The following FER1L6 variants were observed in gnomAD, a reference collection of about 807,000 sequenced individuals.
FER1L6 encodes the protein fer-1-like protein 6.
FER1L6 carries 177 observed loss-of-function variants against 219.2 expected under a neutral mutation model. That is an observed-to-expected ratio of 0.81 (90% CI 0.71 to 0.91). The LOEUF (loss-of-function observed/expected upper bound fraction) is 0.91, where lower values mean the gene tolerates loss of function less well. Ranked by LOEUF, FER1L6 falls within the 40% of genes least tolerant of loss-of-function variation. The pLI is 0.00. For missense variants in FER1L6, 2,153 were observed against 2,259.9 expected (o/e 0.95, Z 0.96); for synonymous variants, 768 against 824.3 (o/e 0.93, Z 1.17).
chr8:123,909,299 A>G (rs1004164371), intron 1 of FER1L6, among the ~76,000 whole-genome samples: 1 of 152,104 alleles, frequency 6.6e-6, no homozygotes, highest in Non-Finnish European at 1.5e-5. Context: ...ACAAAAAAAA[A>G]GTGGATAGAG....
intron 24 of FER1L6, 22 bp downstream of exon 24, chr8:124,060,731 G>A (rs377500531): frequency 1.1e-5 from 18 of 1,605,612 alleles, no homozygotes; most frequent in Non-Finnish European, 1.2e-5. Flanking sequence ...TCACTCTCCC[G>A]ACCTGGCTCA....
chr8:123,962,395 C>A (rs941069790), intron 2 of FER1L6, among the ~76,000 whole-genome samples: 1 of 151,842 alleles, frequency 6.6e-6, no homozygotes, highest in Admixed American at 6.6e-5. Context: ...GCAGTTAGAA[C>A]ACAGTTTTAT....
chr8:123,963,053 T>C (rs185858505), intron 2 of FER1L6, among the ~76,000 whole-genome samples: 182 of 152,364 alleles, frequency 1.2e-3, no homozygotes, highest in African/African-American at 4.2e-3. Flanking sequence ...CCCATCCACA[T>C]AAATCTGTTC....
At chr8:123,965,882 A>C in intron 3 of FER1L6, 125 bp from the exon 4 acceptor site, 38 of 868,362 alleles carry the variant, frequency 4.4e-5, no homozygotes, top group Non-Finnish European at 6.2e-5. Context: ...TATCTCCCCC[A>C]GAGATGTAGA....
intron 18 of FER1L6, among the ~76,000 whole-genome samples, chr8:124,029,216 T>G (rs182386093): frequency 1.7e-3 from 263 of 152,388 alleles, no homozygotes; most frequent in African/African-American, 5.9e-3. Flanking sequence ...TCTTTGCTAT[T>G]GTGAACAGTG....
rs915348836 is a variant in FER1L6, at chr8:124,042,783, G to A, written c.2589+2777G>A. On this transcript the variant is annotated intron_variant, in intron 20 of 40. Transcript: ENST00000522917. ...CAGGGAGAAAAAGCCTCCGAAGGCT[G>A]TTCCTGAAAAACCAGTGCTTTATAA... 3.3e-5 allele frequency among the ~76,000 whole-genome samples: 5 copies of A among 152,178 alleles called. No homozygotes were observed. In the East Asian group the frequency reaches 7.7e-4, roughly 23 times the overall value.
Position 124,079,787 on chromosome 8 carries a change from G to A in FER1L6, c.4221-2501G>A, listed in dbSNP as rs141715831. Among the ~76,000 whole-genome samples, 13 of 152,246 alleles carry A rather than the reference G, an allele frequency of 8.5e-5. No individual in the cohort carries two copies. The East Asian group carries it at 1.4e-3, about 16-fold the overall frequency. ...CAGGGGCCTTTGAGTCTGTGTAATC[G>A]GAGAGCTTGACCTGGTTGGGAAAAT... is the stretch of plus-strand genomic sequence containing the variant. On this transcript the variant is annotated intron_variant, in intron 32 of 40. Coordinates refer to ENST00000522917, the MANE Select transcript of FER1L6 (RefSeq NM_001039112.2).
At chr8:123,919,239 G>T (rs1813286046) in intron 1 of FER1L6, among the ~76,000 whole-genome samples, 1 of 152,186 alleles carries the variant, frequency 6.6e-6, no homozygotes, top group Admixed American at 6.5e-5. Flanking sequence ...GGGAGAGTTG[G>T]TCCTTTGAGA....
chr8:123,877,508 T>G (rs1157074952), intron 1 of FER1L6, among the ~76,000 whole-genome samples: 3 of 152,068 alleles, frequency 2.0e-5, no homozygotes, highest in Non-Finnish European at 4.4e-5. Context: ...TCGAATGAGA[T>G]GAGGTGGGGG....
chr8:123,921,399 C>CT (rs1307713408), intron 1 of FER1L6, among the ~76,000 whole-genome samples: 9 of 152,168 alleles, frequency 5.9e-5, no homozygotes, highest in African/African-American at 1.4e-4. Context: ...GGATTTTACT[C>CT]TGTCGTCTAG....
intron 1 of FER1L6, among the ~76,000 whole-genome samples, chr8:123,878,182 C>G (rs942913835): frequency 6.6e-6 from 1 of 152,122 alleles, no homozygotes; most frequent in African/African-American, 2.4e-5. Context: ...CCAGAACAGA[C>G]GCAGGCCAGA....
Position 124,096,908 on chromosome 8 carries a change from C to T in FER1L6, c.4696-363C>T, listed in dbSNP as rs575651313. Among the ~76,000 whole-genome samples the T allele has an allele frequency of 4.6e-5, 7 of 152,126 alleles. No homozygotes were observed. In the East Asian group the frequency reaches 1.2e-3, roughly 25 times the overall value. ...AAGCATGGGCAAAATGTTTTTTCCT[C>T]TGTCAAACAGAAATAGTAACATCTA... On this transcript the variant is annotated intron_variant, in intron 35 of 40. Coordinates refer to ENST00000522917, the MANE Select transcript of FER1L6 (RefSeq NM_001039112.2).
At chr8:123,932,562 T>A (rs1813813361) in intron 1 of FER1L6, among the ~76,000 whole-genome samples, 2 of 152,182 alleles carry the variant, frequency 1.3e-5, no homozygotes, top group Admixed American at 6.5e-5. Context: ...GGGATTTGGA[T>A]CTGGTAGTTT....
chr8:123,999,123 C>G (rs946810973), intron 12 of FER1L6, among the ~76,000 whole-genome samples: 3 of 152,172 alleles, frequency 2.0e-5, no homozygotes, highest in Non-Finnish European at 2.9e-5. Flanking sequence ...TTTCCTCAAA[C>G]AGAAGGGGTT....
chr8:123,857,271 AG>A (rs1205879576), intron 1 of FER1L6, among the ~76,000 whole-genome samples: 2 of 152,188 alleles, frequency 1.3e-5, no homozygotes, highest in Non-Finnish European at 2.9e-5. Flanking sequence ...GCACTTTGGG[AG>A]GCCAAGGCAG....
intron 35 of FER1L6, among the ~76,000 whole-genome samples, chr8:124,096,199 G>A (rs375981334): frequency 7.9e-5 from 12 of 151,434 alleles, no homozygotes; most frequent in African/African-American, 2.9e-4. Flanking sequence ...GAAATCATCT[G>A]GTTACTAGGA....
At chr8:124,045,101 A>G (rs1374389174) in intron 20 of FER1L6, among the ~76,000 whole-genome samples, 1 of 152,250 alleles carries the variant, frequency 6.6e-6, no homozygotes, top group Non-Finnish European at 1.5e-5. Flanking sequence ...CCACATAAGG[A>G]ATATTAGGTC....
intron 5 of FER1L6, among the ~76,000 whole-genome samples, chr8:123,968,684 T>C (rs1419618187): frequency 1.3e-5 from 2 of 152,216 alleles, no homozygotes; most frequent in African/African-American, 2.4e-5. Flanking sequence ...AAATGTTGTA[T>C]GTATTGTCTT....
intron 39 of FER1L6, among the ~76,000 whole-genome samples, chr8:124,113,032 T>A (rs530105405): frequency 6.6e-6 from 1 of 152,214 alleles, no homozygotes; most frequent in African/African-American, 2.4e-5. Flanking sequence ...CTTTACATAA[T>A]AGTAATCATT....
Sources: allele counts gnomAD v4.1 joint callset (sites outside exome capture counted in the v4.1 genomes callset), GRCh38; gene constraint gnomAD v4.1.1; transcripts MANE v1.5; gene names NCBI Gene and HGNC (gene_info 2026-07-23, HGNC 2026-07-21).